Variants in CNTLN observed in about 807,000 individuals in gnomAD.
CNTLN encodes the protein centlein, centrosomal protein.
In CNTLN, 212 loss-of-function variants were observed where a neutral mutation model predicts 180.0. The observed-to-expected ratio is 1.18, with a 90% CI of 1.05 to 1.32. CNTLN has a LOEUF of 1.32. CNTLN is among the 40% of genes most tolerant of loss of function. The pLI is 0.00. For missense variants in CNTLN, 2,095 were observed against 1,610.9 expected, an observed-to-expected ratio of 1.30 and a Z score of -5.14; for synonymous variants, 722 against 563.1, an observed-to-expected ratio of 1.28 and a Z score of -3.99.
chr9:17,148,249 T>A (rs1354218636), intron 2 of CNTLN, among the ~76,000 whole-genome samples: 1 of 152,208 alleles, frequency 6.6e-6, no homozygotes, highest in Non-Finnish European at 1.5e-5. Context: ...CTACAGTTAC[T>A]TTAGTGTTTA....
intron 2 of CNTLN, among the ~76,000 whole-genome samples, chr9:17,209,980 A>G (rs1044672635): frequency 2.0e-4 from 30 of 152,228 alleles, no homozygotes; most frequent in Non-Finnish European, 3.4e-4. Context: ...TTTAAAGACT[A>G]CTAGAGAAAA....
At chr9:17,423,278 C>T (rs557569334) in intron 18 of CNTLN, among the ~76,000 whole-genome samples, 8 of 152,214 alleles carry the variant, frequency 5.3e-5, no homozygotes, top group Non-Finnish European at 8.8e-5. Context: ...GGTAATGAAT[C>T]GTGCCAGAAC....
chr9:17,267,572 C>G (rs1265495718), intron 5 of CNTLN, among the ~76,000 whole-genome samples: 14 of 151,646 alleles, frequency 9.2e-5, no homozygotes, highest in Non-Finnish European at 1.5e-4. Flanking sequence ...TTTCCTGAAT[C>G]TGAATGTTGG....
intron 7 of CNTLN, among the ~76,000 whole-genome samples, chr9:17,304,687 T>C (rs1251260715): frequency 6.6e-6 from 1 of 152,038 alleles, no homozygotes; most frequent in African/African-American, 2.4e-5. Flanking sequence ...CAACCTTGAA[T>C]TGAAAATATT....
intron 15 of CNTLN, among the ~76,000 whole-genome samples, chr9:17,397,540 G>C (rs1255545930): frequency 6.6e-6 from 1 of 152,172 alleles, no homozygotes; most frequent in Non-Finnish European, 1.5e-5. Flanking sequence ...TCTTGGTTTT[G>C]ATGGGTTTTC....
intron 12 of CNTLN, among the ~76,000 whole-genome samples, chr9:17,353,116 T>C (rs1822515114): frequency 6.6e-6 from 1 of 151,986 alleles, no homozygotes; most frequent in African/African-American, 2.4e-5. Flanking sequence ...TCTATGTTTG[T>C]TTTTTATTTT....
At position 17,145,002 on chromosome 9, in the gene CNTLN, C is replaced by T. The variant is rs572252688; in HGVS notation, c.449+1626C>T. Among the ~76,000 whole-genome samples, 18 of 150,956 alleles carry T rather than the reference C, an allele frequency of 1.2e-4. No individual in the cohort carries two copies. The South Asian group carries it at 2.5e-3, about 21-fold the overall frequency. ...GACTACAGGCGCCCGCCACCGCGCC[C>T]GGCTAATTTTTTGTATTTTTAGTAG... is the stretch of plus-strand genomic sequence containing the variant. On this transcript the variant is annotated intron_variant, in intron 2 of 25. Transcript: ENST00000380647.
chr9:17,230,733 T>A (rs1161502544), intron 3 of CNTLN, among the ~76,000 whole-genome samples: 4 of 152,014 alleles, frequency 2.6e-5, no homozygotes, highest in Non-Finnish European at 5.9e-5. Context: ...CAGGAAGGAA[T>A]AATTGTGTGA....
At chr9:17,393,734 G>C (rs1272930490) in intron 14 of CNTLN, among the ~76,000 whole-genome samples, 1 of 152,058 alleles carries the variant, frequency 6.6e-6, no homozygotes, top group Non-Finnish European at 1.5e-5. Context: ...TTATTAATAA[G>C]ATCTAAATGT....
At chr9:17,306,986 G>GAGC (rs1818761054) in intron 7 of CNTLN, among the ~76,000 whole-genome samples, 1 of 152,050 alleles carries the variant, frequency 6.6e-6, no homozygotes, top group African/African-American at 2.4e-5. Context: ...CCAGTTATGA[G>GAGC]AGCAGCAGCA....
intron 8 of CNTLN, among the ~76,000 whole-genome samples, chr9:17,329,708 G>A (rs1011336741): frequency 1.2e-4 from 18 of 151,578 alleles, no homozygotes; most frequent in African/African-American, 4.1e-4. Context: ...TCCCATTGTT[G>A]GTTCAAAAAA....
At position 17,135,101 on chromosome 9, in the gene CNTLN, G is replaced by T. The variant is rs762962585; in HGVS notation, c.36G>T (p.Ser12=). 2.8e-5 allele frequency: 45 copies of T among 1,604,830 alleles called. No individual in the cohort carries two copies. The South Asian group carries it at 4.6e-4, about 16-fold the overall frequency. The change falls in exon 1 of 26, where the codon TCG becomes TCT. Residue 12 remains serine, a synonymous_variant. Transcript: ENST00000380647. Reference sequence around the variant, plus strand: ...GTTCGCCTCCCTCACCGCACCCTTCGCCCCCAGCGCGACAGCTGGGCCCCA... The same window carrying T: ...GTTCGCCTCCCTCACCGCACCCTTCTCCCCCAGCGCGACAGCTGGGCCCCA... ...AARSPPSPHP[S]PPARQLGPRS... is the part of the protein sequence containing the mutation.
chr9:17,381,052 C>T (rs894923259), intron 13 of CNTLN, among the ~76,000 whole-genome samples: 3 of 152,222 alleles, frequency 2.0e-5, no homozygotes, highest in African/African-American at 4.8e-5. Context: ...AACAACAATT[C>T]GTACTGTCAG....
In CNTLN at chr9:17,312,369, T is replaced by TATTATATATATATATATATATA. The variant is rs1819234266; in HGVS notation, c.1341+3119_1341+3120insTATATATATATATATATATAAT. Among the ~76,000 whole-genome samples the TATTATATATATATATATATATA allele has an allele frequency of 7.3e-3, 250 of 34,122 alleles. 3 individuals carry two copies. Among genetic ancestry groups the TATTATATATATATATATATATA allele is most frequent in the African/African-American group, 0.019 (231 of 12,370 alleles). 22.4% of individuals were successfully genotyped at this position (34,122 alleles called of 152,430 possible). A position where few individuals can be genotyped will look rare whatever the true frequency, so the allele number is the denominator to read the frequency against. On this transcript the variant is annotated intron_variant, in intron 8 of 25. Transcript: ENST00000380647. ...TATATATATATATATATATATTATATATATATATATATATAATTTATTTAT... is the reference window on the plus strand; with the variant it reads ...TATATATATATATATATATATTATATATTATATATATATATATATATAATATATATATATATAATTTATTTAT...
chr9:17,313,261 T>A (rs1400677341), intron 8 of CNTLN, among the ~76,000 whole-genome samples: 1 of 152,182 alleles, frequency 6.6e-6, no homozygotes, highest in East Asian at 1.9e-4. Flanking sequence ...TTCTGACAAT[T>A]TCTTCCTTTT....
chr9:17,519,816 C>T, the CNTLN span, among the ~76,000 whole-genome samples: 1 of 152,128 alleles, frequency 6.6e-6, no homozygotes, highest in Admixed American at 6.6e-5. Context: ...GTCTGCTAGC[C>T]AATGTCAGCG....
At chr9:17,187,039 G>A (rs1261141895) in intron 2 of CNTLN, among the ~76,000 whole-genome samples, 1 of 151,924 alleles carries the variant, frequency 6.6e-6, no homozygotes, top group East Asian at 1.9e-4. Context: ...ACTTTACCTT[G>A]ACCAGCAACA....
At chr9:17,265,610 G>A (rs199915442) in intron 5 of CNTLN, among the ~76,000 whole-genome samples, 1 of 152,060 alleles carries the variant, frequency 6.6e-6, no homozygotes, top group South Asian at 2.1e-4. Flanking sequence ...TTCAGATGGA[G>A]TGGTACCAGC....
At chr9:17,497,251 G>A (rs1833505794) in intron 25 of CNTLN, among the ~76,000 whole-genome samples, 1 of 152,144 alleles carries the variant, frequency 6.6e-6, no homozygotes, top group South Asian at 2.1e-4. Flanking sequence ...CAGCTGCTGA[G>A]GAGCCAGTGA....
Sources: allele counts gnomAD v4.1 joint callset (sites outside exome capture counted in the v4.1 genomes callset), GRCh38; gene constraint gnomAD v4.1.1; transcripts MANE v1.5; gene names NCBI Gene and HGNC (gene_info 2026-07-23, HGNC 2026-07-21).